The following TFAP2D variants were observed in gnomAD, a reference collection of about 807,000 sequenced individuals.
TFAP2D encodes the protein transcription factor AP-2 delta.
A neutral mutation model predicts 43.6 loss-of-function variants in TFAP2D; 9 were observed. The ratio of observed to expected loss-of-function variants is 0.21; its 90% CI spans 0.12 to 0.36. The LOEUF is 0.36. Ranked by LOEUF, TFAP2D falls within the 10% of genes least tolerant of loss-of-function variation. TFAP2D has a pLI of 1.00. For synonymous variants in TFAP2D, 256 were observed against 224.9 expected, an observed-to-expected ratio of 1.14 and a Z score of -1.24; for missense variants, 513 against 561.4, an observed-to-expected ratio of 0.91 and a Z score of 0.87.
chr6:50,726,743 T>A (rs1301439042), intron 3 of TFAP2D, among the ~76,000 whole-genome samples: 1 of 152,226 alleles, frequency 6.6e-6, no homozygotes, highest in Non-Finnish European at 1.5e-5. Flanking sequence ...ATTTAAGATT[T>A]TTTTTTGAAA....
chr6:50,755,080 T>C (rs1769246146), intron 7 of TFAP2D, among the ~76,000 whole-genome samples: 1 of 152,058 alleles, frequency 6.6e-6, no homozygotes, highest in South Asian at 2.1e-4. Context: ...CTAACAGTTT[T>C]ACAGCCGTAT....
intron 7 of TFAP2D, among the ~76,000 whole-genome samples, chr6:50,763,346 C>T (rs1011534314): frequency 4.6e-5 from 7 of 152,100 alleles, no homozygotes; most frequent in African/African-American, 1.7e-4. Context: ...CCCTTACATC[C>T]ACACTTTGGG....
chr6:50,720,520 C>T (rs945080532), intron 3 of TFAP2D, among the ~76,000 whole-genome samples: 14 of 142,770 alleles, frequency 9.8e-5, no homozygotes, highest in African/African-American at 3.6e-4. Context: ...CACACACACA[C>T]ACACACACAC....
At chr6:50,754,562 A>AT (rs771567479) in intron 7 of TFAP2D, among the ~76,000 whole-genome samples, 48 of 151,830 alleles carry the variant, frequency 3.2e-4, no homozygotes, top group Non-Finnish European at 2.1e-4. Context: ...TTTATTTGTC[A>AT]TTTTTTGAGG....
chr6:50,755,839 A>C (rs1769256569), intron 7 of TFAP2D, among the ~76,000 whole-genome samples: 1 of 151,894 alleles, frequency 6.6e-6, no homozygotes, highest in Admixed American at 6.6e-5. Flanking sequence ...TCTACTAATA[A>C]TCTGGGTAAA....
At chr6:50,729,378 T>A in intron 5 of TFAP2D, 66 bp downstream of exon 5, 1 of 1,346,490 alleles carries the variant, frequency 7.4e-7, no homozygotes, top group Non-Finnish European at 1.1e-6. Flanking sequence ...TCAGGTTTCT[T>A]AAATTATGCT....
At chr6:50,719,445 G>GAA (rs1561930911) in intron 3 of TFAP2D, among the ~76,000 whole-genome samples, 2 of 143,304 alleles carry the variant, frequency 1.4e-5, no homozygotes, top group African/African-American at 5.2e-5. Flanking sequence ...GAAAAAGACA[G>GAA]AGAGAAAGAA....
intron 3 of TFAP2D, among the ~76,000 whole-genome samples, chr6:50,727,260 G>C (rs1006516722): frequency 6.6e-6 from 1 of 152,144 alleles, no homozygotes; most frequent in African/African-American, 2.4e-5. Flanking sequence ...AAGGTACAGG[G>C]GTAGAAATGT....
At chr6:50,719,969 G>T (rs990241019) in intron 3 of TFAP2D, among the ~76,000 whole-genome samples, 4 of 152,196 alleles carry the variant, frequency 2.6e-5, no homozygotes, top group African/African-American at 4.8e-5. Context: ...GAGCCTTAAG[G>T]CAGTGCAGAT....
At chr6:50,735,541 C>T (rs2114042715) in intron 5 of TFAP2D, among the ~76,000 whole-genome samples, 1 of 152,286 alleles carries the variant, frequency 6.6e-6, no homozygotes, top group East Asian at 1.9e-4. Context: ...GTTAGGGGGA[C>T]ATTAAATCTT....
At chr6:50,729,131 C>A (rs1768848373) in intron 4 of TFAP2D, 63 bp from the exon 5 acceptor site, 11 of 1,603,418 alleles carry the variant, frequency 6.9e-6, no homozygotes, top group Non-Finnish European at 9.4e-6. Context: ...GTGGTCAAGT[C>A]GTCTCATAAT....
At chr6:50,759,282 TCTAA>T (rs1023656211) in intron 7 of TFAP2D, among the ~76,000 whole-genome samples, 8 of 151,930 alleles carry the variant, frequency 5.3e-5, no homozygotes, top group Non-Finnish European at 8.8e-5. Flanking sequence ...TGTCAGGGGA[TCTAA>T]CTCAGTCTCC....
intron 7 of TFAP2D, among the ~76,000 whole-genome samples, chr6:50,764,752 T>C (rs553498781): frequency 1.8e-4 from 27 of 152,166 alleles, no homozygotes; most frequent in Admixed American, 5.2e-4. Flanking sequence ...TAGTTTTCCA[T>C]CTCAGACCTG....
At chr6:50,731,201 T>C (rs1426180439) in intron 5 of TFAP2D, among the ~76,000 whole-genome samples, 1 of 152,212 alleles carries the variant, frequency 6.6e-6, no homozygotes, top group Non-Finnish European at 1.5e-5. Flanking sequence ...TGTATTCTAT[T>C]CCTGTGGCCT....
At chr6:50,770,897 T>C (rs1466474101) in intron 7 of TFAP2D, among the ~76,000 whole-genome samples, 2 of 152,148 alleles carry the variant, frequency 1.3e-5, no homozygotes, top group Non-Finnish European at 2.9e-5. Flanking sequence ...GTTGTATATA[T>C]ATATATATTA....
At chr6:50,719,493 G>T (rs1211643857) in intron 3 of TFAP2D, among the ~76,000 whole-genome samples, 1 of 136,134 alleles carries the variant, frequency 7.3e-6, no homozygotes, top group Non-Finnish European at 1.7e-5. Context: ...AAGAAAGAAA[G>T]AAAGAAAGAA....
rs939178383 is a variant in TFAP2D, at chr6:50,751,156, G to A, written c.1026-55G>A. 6.2e-5 allele frequency: 77 copies of A among 1,234,838 alleles called. 1 individual carries two copies. The highest frequency in any genetic ancestry group is 8.8e-5 in the Non-Finnish European group (75 of 852,046). 76.5% of individuals were successfully genotyped at this position (1,234,838 alleles called of 1,614,324 possible). A position where few individuals can be genotyped will look rare whatever the true frequency, so the allele number is the denominator to read the frequency against. On this transcript the variant is annotated intron_variant, in intron 6 of 7. Coordinates refer to ENST00000008391, the MANE Select transcript of TFAP2D (RefSeq NM_172238.4). ...AGCCTTTGGTTAAATATCATGGGAT[G>A]AAATTAAAGCTCAATTTGAAAATTT...
chr6:50,757,434 GAATATATATACTTATTCTATATATATAT>G (rs1287313704), intron 7 of TFAP2D, among the ~76,000 whole-genome samples: 1,958 of 82,740 alleles, frequency 0.024, 109 homozygotes, highest in African/African-American at 0.081. Context: ...AATATATATA[GAATATATATACTTATTCTATATATATAT>G]AATATATATA....
chr6:50,719,146 A>G lies in TFAP2D; in HGVS notation c.594A>G (p.Arg198=), dbSNP rs1198107464. 6.2e-7 allele frequency: 1 copy of G among 1,613,824 alleles called. No individual in the cohort carries two copies. The highest frequency in any genetic ancestry group is 2.2e-5 in the East Asian group (1 of 44,876). ...LVLNGQGGVI[R]RGGTCVVNPT... ...TCAATGGCCAAGGTGGAGTGATAAG[A>G]AGAGGTAAGTAACAAGTAACAACAT... Residue 198 remains arginine, a synonymous_variant, in exon 3 of 8, where the codon AGA becomes AGG. Coordinates refer to ENST00000008391, the MANE Select transcript of TFAP2D (RefSeq NM_172238.4).
Sources: allele counts gnomAD v4.1 joint callset (sites outside exome capture counted in the v4.1 genomes callset), GRCh38; gene constraint gnomAD v4.1.1; transcripts MANE v1.5; gene names NCBI Gene and HGNC (gene_info 2026-07-23, HGNC 2026-07-21).